AGBL1: variants seen among roughly 807,000 people sequenced by gnomAD.
AGBL1 encodes cytosolic carboxypeptidase 4.
Under a neutral mutation model 118.9 loss-of-function variants are expected in AGBL1, and 130 were observed. That is an observed-to-expected ratio of 1.09 (90% CI 0.95 to 1.26). The LOEUF is 1.26. Ranked by LOEUF, AGBL1 falls within the 50% of genes most tolerant of loss-of-function variation. The pLI, the probability that AGBL1 is intolerant of heterozygous loss-of-function variation, is 0.00. For missense variants in AGBL1, 1,584 were observed against 1,298.1 expected, an observed-to-expected ratio of 1.22 and a Z score of -3.38; for synonymous variants, 555 against 478.9, an observed-to-expected ratio of 1.16 and a Z score of -2.08.
chr15:86,399,953 T>C (rs1380443387), intron 18 of AGBL1, among the ~76,000 whole-genome samples: 2 of 152,208 alleles, frequency 1.3e-5, no homozygotes, highest in African/African-American at 4.8e-5. Flanking sequence ...TGAAAGGGAC[T>C]TGGAAATCAT....
intron 18 of AGBL1, among the ~76,000 whole-genome samples, chr15:86,483,381 G>A (rs181287911): frequency 6.6e-6 from 1 of 152,022 alleles, no homozygotes; most frequent in Admixed American, 6.6e-5. Context: ...GGTTGATATC[G>A]ATGGTGGAGC....
intron 18 of AGBL1, among the ~76,000 whole-genome samples, chr15:86,489,400 A>G (rs909783132): frequency 1.3e-5 from 2 of 152,126 alleles, no homozygotes; most frequent in South Asian, 2.1e-4. Flanking sequence ...ATTTCCACAT[A>G]TATCATCTGA....
chr15:86,412,823 T>C (rs2081641088), intron 18 of AGBL1, among the ~76,000 whole-genome samples: 1 of 152,138 alleles, frequency 6.6e-6, no homozygotes, highest in South Asian at 2.1e-4. Context: ...TACAAGAAAA[T>C]GGCAAATATT....
At chr15:86,597,183 T>C (rs1263590482) in intron 21 of AGBL1, among the ~76,000 whole-genome samples, 1 of 141,034 alleles carries the variant, frequency 7.1e-6, no homozygotes, top group Non-Finnish European at 1.5e-5. Flanking sequence ...ATCTCTCTTA[T>C]CTAGCTAGCT....
intron 22 of AGBL1, among the ~76,000 whole-genome samples, chr15:86,852,376 C>T (rs991439843): frequency 6.6e-6 from 1 of 152,132 alleles, no homozygotes; most frequent in South Asian, 2.1e-4. Flanking sequence ...GTCCCTCCTT[C>T]GACACATGTG....
chr15:86,584,888 G>T (rs1470028277), intron 21 of AGBL1, among the ~76,000 whole-genome samples: 2 of 152,062 alleles, frequency 1.3e-5, no homozygotes, highest in African/African-American at 4.8e-5. Flanking sequence ...TCCTTATAGA[G>T]ACCTTTGACT....
chr15:86,833,110 T>A (rs571298923), intron 22 of AGBL1, among the ~76,000 whole-genome samples: 1 of 152,228 alleles, frequency 6.6e-6, no homozygotes, highest in East Asian at 2.0e-4. Context: ...CCCGCCCCCA[T>A]GATTCAATTG....
intron 22 of AGBL1, among the ~76,000 whole-genome samples, chr15:86,802,705 A>AT (rs2078667186): frequency 6.6e-6 from 1 of 152,162 alleles, no homozygotes; most frequent in African/African-American, 2.4e-5. Context: ...AAATCTCAAT[A>AT]TTGTGCTATA....
At chr15:86,731,871 C>G (rs1277785949) in intron 22 of AGBL1, among the ~76,000 whole-genome samples, 1 of 152,214 alleles carries the variant, frequency 6.6e-6, no homozygotes, top group Non-Finnish European at 1.5e-5. Context: ...CCCCAGGGAA[C>G]TGGCTTGACC....
chr15:86,840,813 T>A (rs1452458), intron 22 of AGBL1, among the ~76,000 whole-genome samples: 1 of 151,956 alleles, frequency 6.6e-6, no homozygotes, highest in East Asian at 1.9e-4. Flanking sequence ...CTTCCTCTTT[T>A]CCTCCAACAT....
Position 86,178,638 on chromosome 15 carries a change from C to T in AGBL1, c.488+19612C>T, listed in dbSNP as rs960940565. Among the ~76,000 whole-genome samples, 6 of 152,020 alleles carry T rather than the reference C, an allele frequency of 3.9e-5. No homozygotes were observed. The East Asian group carries it at 7.7e-4, about 20-fold the overall frequency. ...GTCTAGGTTTAGATAAGTTCCCTGGCGAATTCTACCAAACATTTAAAAATA... is the reference window on the plus strand; with the variant it reads ...GTCTAGGTTTAGATAAGTTCCCTGGTGAATTCTACCAAACATTTAAAAATA... On this transcript the variant is annotated intron_variant, in intron 5 of 22. Coordinates refer to ENST00000614907, the MANE Select transcript of AGBL1 (RefSeq NM_001386094.1).
At chr15:86,189,499 T>A (rs1194306749) in intron 5 of AGBL1, among the ~76,000 whole-genome samples, 4 of 152,152 alleles carry the variant, frequency 2.6e-5, no homozygotes, top group Non-Finnish European at 4.4e-5. Context: ...GCATTTAGAT[T>A]ATGGGGGTGG....
At chr15:86,535,672 G>T (rs549104188) in intron 19 of AGBL1, among the ~76,000 whole-genome samples, 2 of 152,136 alleles carry the variant, frequency 1.3e-5, no homozygotes, top group African/African-American at 4.8e-5. Context: ...TTTCTCTGGG[G>T]CCCAGTGGAA....
intron 21 of AGBL1, among the ~76,000 whole-genome samples, chr15:86,560,878 C>T (rs546666539): frequency 1.3e-5 from 2 of 152,310 alleles, no homozygotes; most frequent in South Asian, 4.1e-4. Flanking sequence ...ATTTGCATTT[C>T]TCTGATGGCC....
At chr15:86,234,593 A>C (rs564005234) in intron 6 of AGBL1, among the ~76,000 whole-genome samples, 1 of 151,658 alleles carries the variant, frequency 6.6e-6, no homozygotes, top group Non-Finnish European at 1.5e-5. Context: ...ACAGTGGAGA[A>C]TAGCACTTGC....
intron 5 of AGBL1, among the ~76,000 whole-genome samples, chr15:86,219,455 C>T (rs531176540): frequency 6.6e-6 from 1 of 152,154 alleles, no homozygotes; most frequent in South Asian, 2.1e-4. Context: ...AGATCTTATA[C>T]CCACTTTATA....
chr15:86,358,261 A>G (rs953260334), intron 17 of AGBL1, among the ~76,000 whole-genome samples: 1 of 152,102 alleles, frequency 6.6e-6, no homozygotes, highest in African/African-American at 2.4e-5. Context: ...TACAGTCCAC[A>G]TAAAAGTAAG....
chr15:86,432,056 A>G (rs536363210), intron 18 of AGBL1, among the ~76,000 whole-genome samples: 1 of 96,464 alleles, frequency 1.0e-5, no homozygotes, highest in South Asian at 3.8e-4. Flanking sequence ...TCAGCAACCC[A>G]GTTCCCAGGA....
chr15:87,003,159 C>A (rs1329576189), intron 24 of AGBL1, among the ~76,000 whole-genome samples: 1 of 150,602 alleles, frequency 6.6e-6, no homozygotes, highest in Non-Finnish European at 1.5e-5. Context: ...CCCTTCAATA[C>A]CTAATTTATT....
Sources: allele counts gnomAD v4.1 joint callset (sites outside exome capture counted in the v4.1 genomes callset), GRCh38; gene constraint gnomAD v4.1.1; transcripts MANE v1.5; gene names NCBI Gene and HGNC (gene_info 2026-07-23, HGNC 2026-07-21).